The following UVRAG variants were observed in gnomAD, a reference collection of about 807,000 sequenced individuals.
The protein encoded by UVRAG is UV radiation resistance associated.
UVRAG carries 19 observed loss-of-function variants against 78.0 expected under a neutral mutation model. The observed-to-expected ratio is 0.24, with a 90% confidence interval of 0.17 to 0.36. The LOEUF is 0.36. Among genes scored for constraint, UVRAG ranks in the 10% least tolerant of loss-of-function variants. UVRAG has a pLI of 1.00. For synonymous variants in UVRAG, 323 were observed against 324.6 expected (o/e 1.00, Z 0.05); for missense variants, 740 against 853.8 (o/e 0.87, Z 1.66).
intron 12 of UVRAG, among the ~76,000 whole-genome samples, chr11:76,049,698 A>C (rs1950826017): frequency 6.6e-6 from 1 of 152,210 alleles, no homozygotes; most frequent in Non-Finnish European, 1.5e-5. Context: ...CCATTCCACA[A>C]ATAAATGTGT....
chr11:75,868,672 T>A (rs1946584884), intron 3 of UVRAG, among the ~76,000 whole-genome samples: 1 of 152,224 alleles, frequency 6.6e-6, no homozygotes, highest in Non-Finnish European at 1.5e-5. Context: ...TTGATATTAT[T>A]GAAAGGTCAT....
chr11:75,877,861 G>T (rs1472181822), intron 3 of UVRAG, among the ~76,000 whole-genome samples: 1 of 145,262 alleles, frequency 6.9e-6, no homozygotes, highest in African/African-American at 2.6e-5. Context: ...CCGGGCGGGG[G>T]GCTGACCCCC....
rs537027333 is a variant in UVRAG, at chr11:75,923,010, A to G, written c.593+10971A>G. 8.1e-5 allele frequency among the ~76,000 whole-genome samples: 12 copies of G among 147,548 alleles called. No homozygotes were observed. The South Asian group carries it at 2.1e-3, about 26-fold the overall frequency. On this transcript the variant is annotated intron_variant, in intron 6 of 14. Transcript: ENST00000356136. ...TATATACATATATTTTTTCATATAT[A>G]TATATATATATATGTTCGTTTTTCT... is the stretch of plus-strand genomic sequence containing the variant.
In UVRAG at chr11:76,005,149, C is replaced by G. The variant is rs890130535; in HGVS notation, c.911+1060C>G. On this transcript the variant is annotated intron_variant, in intron 9 of 14. Transcript: ENST00000356136. ...ATGCAGTCAGGAGATCAAGACCATC[C>G]TGGCTAACACGGTGAAACCCTGTCT... 2.6e-5 allele frequency among the ~76,000 whole-genome samples: 4 copies of G among 152,228 alleles called. No homozygotes were observed. The South Asian group carries it at 6.2e-4, about 24-fold the overall frequency.
chr11:75,938,059 G>T (rs1245433954), intron 6 of UVRAG, among the ~76,000 whole-genome samples: 1 of 150,876 alleles, frequency 6.6e-6, no homozygotes, highest in Non-Finnish European at 1.5e-5. Flanking sequence ...AAAAATATGT[G>T]TGTGTATATA....
Position 76,079,701 on chromosome 11 carries a change from C to CT in UVRAG, c.1305+13915dup, listed in dbSNP as rs1206826796. Among the ~76,000 whole-genome samples the CT allele has an allele frequency of 3.9e-5, 6 of 152,288 alleles. No individual in the cohort carries two copies. In the East Asian group the frequency reaches 1.2e-3, roughly 29 times the overall value. On this transcript the variant is annotated intron_variant, in intron 13 of 14. Coordinates refer to ENST00000356136, the MANE Select transcript of UVRAG (RefSeq NM_003369.4). ...AGCATTCTCATAAGAAGCTCATATA[C>CT]TTACCCTCACAATTTTTTCTCTGAA...
intron 13 of UVRAG, among the ~76,000 whole-genome samples, chr11:76,076,802 G>GTATT (rs140240744): frequency 0.055 from 8,158 of 147,586 alleles, 297 homozygotes; most frequent in African/African-American, 0.1. Context: ...AAATTAGGTT[G>GTATT]TATTTATTTA....
At chr11:76,036,648 G>A (rs958458097) in intron 12 of UVRAG, among the ~76,000 whole-genome samples, 3 of 151,988 alleles carry the variant, frequency 2.0e-5, no homozygotes, top group Non-Finnish European at 4.4e-5. Flanking sequence ...TGATTGAGAG[G>A]TGTCAACATA....
intron 7 of UVRAG, among the ~76,000 whole-genome samples, chr11:75,964,901 A>C (rs1948986072): frequency 6.6e-6 from 1 of 152,228 alleles, no homozygotes; most frequent in Admixed American, 6.5e-5. Flanking sequence ...GTTTGTTCAA[A>C]ATCAATTGAT....
intron 7 of UVRAG, among the ~76,000 whole-genome samples, chr11:75,969,103 T>G (rs1250264997): frequency 1.3e-5 from 2 of 152,214 alleles, no homozygotes; most frequent in African/African-American, 4.8e-5. Context: ...CCAGAAGTCT[T>G]TTAAACTGAA....
At chr11:75,882,601 T>A (rs1946977271) in intron 4 of UVRAG, among the ~76,000 whole-genome samples, 1 of 152,162 alleles carries the variant, frequency 6.6e-6, no homozygotes, top group Admixed American at 6.5e-5. Flanking sequence ...ATTTTTAAAT[T>A]TTTTACCTGT....
chr11:76,134,402 TA>T (rs1416569671), intron 14 of UVRAG, among the ~76,000 whole-genome samples: 1 of 152,010 alleles, frequency 6.6e-6, no homozygotes, highest in African/African-American at 2.4e-5. Context: ...GTGCTGGGAC[TA>T]CAGACATAAG....
At chr11:76,071,070 A>T (rs1405589559) in intron 13 of UVRAG, among the ~76,000 whole-genome samples, 1 of 152,154 alleles carries the variant, frequency 6.6e-6, no homozygotes, top group Non-Finnish European at 1.5e-5. Context: ...AAAAAGAAAG[A>T]TCCCTGTCTC....
intron 12 of UVRAG, among the ~76,000 whole-genome samples, chr11:76,031,042 G>T (rs1305688812): frequency 6.6e-6 from 1 of 152,140 alleles, no homozygotes; most frequent in African/African-American, 2.4e-5. Context: ...AATATTTCTT[G>T]AATTAGGAGA....
intron 7 of UVRAG, among the ~76,000 whole-genome samples, chr11:75,965,610 C>T (rs1009789747): frequency 7.2e-5 from 11 of 152,118 alleles, no homozygotes; most frequent in Non-Finnish European, 1.0e-4. Flanking sequence ...CCACCGCGCC[C>T]GGCAGATGTT....
At chr11:75,854,411 T>TTTTA (rs1423114845) in intron 2 of UVRAG, among the ~76,000 whole-genome samples, 1 of 152,132 alleles carries the variant, frequency 6.6e-6, no homozygotes, top group Non-Finnish European at 1.5e-5. Flanking sequence ...CCTTTTTATT[T>TTTTA]TTTATTTTAT....
At chr11:75,873,041 A>C (rs1170298165) in intron 3 of UVRAG, among the ~76,000 whole-genome samples, 1 of 152,218 alleles carries the variant, frequency 6.6e-6, no homozygotes, top group Non-Finnish European at 1.5e-5. Flanking sequence ...AGGTGCCGTA[A>C]GAAAGTTAAC....
chr11:76,018,234 A>G (rs1278790034), intron 12 of UVRAG, among the ~76,000 whole-genome samples: 1 of 151,450 alleles, frequency 6.6e-6, no homozygotes. Context: ...TTAAATATGT[A>G]ACATCACTCT....
intron 14 of UVRAG, among the ~76,000 whole-genome samples, chr11:76,122,447 A>C (rs1433601534): frequency 6.6e-6 from 1 of 152,176 alleles, no homozygotes; most frequent in Non-Finnish European, 1.5e-5. Flanking sequence ...TTCCCTATAA[A>C]ATGAGGGTAA....
Sources: allele counts gnomAD v4.1 joint callset (sites outside exome capture counted in the v4.1 genomes callset), GRCh38; gene constraint gnomAD v4.1.1; transcripts MANE v1.5; gene names NCBI Gene and HGNC (gene_info 2026-07-23, HGNC 2026-07-21).